Variants in CTNND2 observed in about 807,000 individuals in gnomAD.
CTNND2 encodes catenin delta-2.
A neutral mutation model predicts 144.4 loss-of-function variants in CTNND2; 22 were observed. The ratio of observed to expected loss-of-function variants is 0.15; its 90% CI spans 0.11 to 0.22. CTNND2 has a LOEUF of 0.22. CTNND2 is among the 10% of genes least tolerant of loss of function. The probability of loss-of-function intolerance (pLI) is 1.00; values close to 1 mark genes in which losing one functional copy is unlikely to be tolerated. For synonymous variants in CTNND2, 751 were observed against 695.6 expected, an observed-to-expected ratio of 1.08 and a Z score of -1.25; for missense variants, 1,353 against 1,618.8, an observed-to-expected ratio of 0.84 and a Z score of 2.82.
intron 3 of CTNND2, among the ~76,000 whole-genome samples, chr5:11,473,334 C>T (rs570061623): frequency 6.6e-6 from 1 of 152,228 alleles, no homozygotes; most frequent in South Asian, 2.1e-4. Flanking sequence ...TCTTCTAGCC[C>T]ACTCCTGGCA....
intron 7 of CTNND2, among the ~76,000 whole-genome samples, chr5:11,366,955 A>G (rs1349749597): frequency 6.6e-6 from 1 of 152,230 alleles, no homozygotes; most frequent in Non-Finnish European, 1.5e-5. Context: ...CTAGGCAAGG[A>G]AGAAGAATCT....
intron 1 of CTNND2, among the ~76,000 whole-genome samples, chr5:11,821,899 C>T (rs1481673765): frequency 6.6e-6 from 1 of 152,110 alleles, no homozygotes; most frequent in Non-Finnish European, 1.5e-5. Context: ...TAATAAACCA[C>T]CAGCCCAGCA....
At chr5:11,508,353 T>C (rs1401197774) in intron 3 of CTNND2, 3 of 152,238 alleles carry the variant, frequency 2.0e-5, no homozygotes, top group Middle Eastern at 3.2e-3. Context: ...GATGATGCTC[T>C]GCTAAGCAAA....
chr5:11,794,395 A>C (rs1320132627), intron 1 of CTNND2, among the ~76,000 whole-genome samples: 6 of 152,214 alleles, frequency 3.9e-5, no homozygotes, highest in African/African-American at 9.6e-5. Flanking sequence ...AAGGCGTTAT[A>C]TAATTAGGTG....
At chr5:11,073,815 GTGAAATCAAGTTAT>G in intron 16 of CTNND2, among the ~76,000 whole-genome samples, 1 of 152,192 alleles carries the variant, frequency 6.6e-6, no homozygotes, top group Non-Finnish European at 1.5e-5. Context: ...AATGTGGCTT[GTGAAATCAAGTTAT>G]TAAAACAAAC....
At chr5:11,815,710 A>C (rs1020217793) in intron 1 of CTNND2, among the ~76,000 whole-genome samples, 2 of 152,172 alleles carry the variant, frequency 1.3e-5, no homozygotes, top group African/African-American at 4.8e-5. Flanking sequence ...GATGAAGAGT[A>C]GGGTTCTTGT....
intron 9 of CTNND2, among the ~76,000 whole-genome samples, chr5:11,301,180 C>A (rs545399871): frequency 1.8e-4 from 22 of 120,792 alleles, no homozygotes; most frequent in Non-Finnish European, 3.7e-4. Context: ...CCATGCCCAG[C>A]TAATTTTTTT....
intron 3 of CTNND2, among the ~76,000 whole-genome samples, chr5:11,432,395 T>G (rs1054128129): frequency 7.9e-5 from 12 of 152,038 alleles, no homozygotes; most frequent in African/African-American, 2.7e-4. Flanking sequence ...GATGGCAGAA[T>G]GGAGGGAAAT....
At chr5:11,567,476 T>G (rs1164360521) in intron 2 of CTNND2, among the ~76,000 whole-genome samples, 1 of 152,206 alleles carries the variant, frequency 6.6e-6, no homozygotes, top group Non-Finnish European at 1.5e-5. Context: ...TCCAATTAAG[T>G]GCATTTTAGG....
chr5:11,717,457 A>C (rs1786417431), intron 2 of CTNND2, among the ~76,000 whole-genome samples: 1 of 151,594 alleles, frequency 6.6e-6, no homozygotes, highest in African/African-American at 2.4e-5. Context: ...GGCACCTGTA[A>C]TCCCAGCTAC....
intron 3 of CTNND2, among the ~76,000 whole-genome samples, chr5:11,514,589 A>C (rs1771992186): frequency 6.6e-6 from 1 of 152,180 alleles, no homozygotes; most frequent in Middle Eastern, 3.2e-3. Flanking sequence ...AAAATATAAA[A>C]ATTTCTTCGT....
intron 9 of CTNND2, among the ~76,000 whole-genome samples, chr5:11,275,115 C>A (rs531397993): frequency 6.6e-6 from 1 of 152,272 alleles, no homozygotes; most frequent in African/African-American, 2.4e-5. Context: ...ATAGGCCTTG[C>A]AAAGTGCCAG....
At position 11,903,292 on chromosome 5, in the gene CTNND2, G is replaced by A; in HGVS notation, c.37+525C>T. 5 of 985,686 alleles carry A rather than the reference G, an allele frequency of 5.1e-6. No individual in the cohort carries two copies. The highest frequency in any genetic ancestry group is 4.8e-6 in the Non-Finnish European group (4 of 830,164). 61.1% of individuals were successfully genotyped at this position (985,686 alleles called of 1,614,324 possible). A position where few individuals can be genotyped will look rare whatever the true frequency, so the allele number is the denominator to read the frequency against. On this transcript the variant is annotated intron_variant, in intron 1 of 21. Transcript: ENST00000304623. The surrounding 1 kb of genome is among the most constrained non-coding windows in gnomAD (Gnocchi z 5.4). ...GAAGCCGCTAAATATAGACCAAGGG[G>A]GCTCAGGGTCTGGCAAGCCGCGGGA...
At chr5:11,250,656 A>G (rs1743529989) in intron 9 of CTNND2, among the ~76,000 whole-genome samples, 1 of 151,248 alleles carries the variant, frequency 6.6e-6, no homozygotes, top group African/African-American at 2.4e-5. Flanking sequence ...AGCTAGTACT[A>G]CAGGCACGCA....
At chr5:11,028,270 G>A (rs760198739) in intron 16 of CTNND2, among the ~76,000 whole-genome samples, 4 of 152,168 alleles carry the variant, frequency 2.6e-5, no homozygotes, top group Non-Finnish European at 4.4e-5. Context: ...CTTTGTCTTC[G>A]AGGTTTAAGT....
At chr5:11,304,340 T>A (rs200917344) in intron 9 of CTNND2, among the ~76,000 whole-genome samples, 2 of 143,836 alleles carry the variant, frequency 1.4e-5, no homozygotes, top group African/African-American at 2.8e-5. Context: ...ACACACACAC[T>A]CTTTCTCTCT....
chr5:11,538,632 T>C (rs1238286345), intron 3 of CTNND2, among the ~76,000 whole-genome samples: 1 of 152,210 alleles, frequency 6.6e-6, no homozygotes, highest in East Asian at 1.9e-4. Flanking sequence ...TTTATAATAT[T>C]CTATATATTC....
intron 2 of CTNND2, among the ~76,000 whole-genome samples, chr5:11,726,553 T>C (rs531464411): frequency 2.0e-5 from 3 of 152,308 alleles, no homozygotes; most frequent in African/African-American, 7.2e-5. Context: ...ATTACGCCTT[T>C]ATAGTGGAAA....
intron 2 of CTNND2, among the ~76,000 whole-genome samples, chr5:11,618,548 C>T (rs998707207): frequency 2.6e-4 from 40 of 152,304 alleles, no homozygotes; most frequent in African/African-American, 8.9e-4. Flanking sequence ...CACACAGGTG[C>T]ATGCACATAT....
Sources: gnomAD v4.1 joint callset for allele counts (sites outside exome capture counted in the v4.1 genomes callset) on GRCh38, gnomAD v4.1.1 for gene constraint, Gnocchi (gnomAD v3.1) non-coding constraint, MANE v1.5 for transcripts, NCBI Gene and HGNC (gene_info 2026-07-23, HGNC 2026-07-21) for gene names.